The following ZNF618 variants were observed in gnomAD, a reference collection of about 807,000 sequenced individuals.
The protein encoded by ZNF618 is neural precursor cell expressed, developmentally down-regulated 10.
A neutral mutation model predicts 103.0 loss-of-function variants in ZNF618; 34 were observed. The ratio of observed to expected loss-of-function variants is 0.33; its 90% CI spans 0.25 to 0.44. ZNF618 has a LOEUF of 0.44. ZNF618 is among the 20% of genes least tolerant of loss of function. The pLI is 1.00. For synonymous variants in ZNF618, 551 were observed against 542.2 expected, an observed-to-expected ratio of 1.02 and a Z score of -0.23; for missense variants, 1,059 against 1,295.4, an observed-to-expected ratio of 0.82 and a Z score of 2.80.
intron 1 of ZNF618, among the ~76,000 whole-genome samples, chr9:113,943,420 C>T (rs989932827): frequency 2.6e-5 from 4 of 152,160 alleles, no homozygotes; most frequent in African/African-American, 7.2e-5. Context: ...GTGTGATGCA[C>T]TTGGCAGCTC....
chr9:114,034,412 G>A (rs760274517), intron 12 of ZNF618, among the ~76,000 whole-genome samples: 47 of 152,174 alleles, frequency 3.1e-4, no homozygotes, highest in Non-Finnish European at 5.7e-4. Context: ...ATTCACAATC[G>A]GGAACGATAG....
chr9:113,883,982 GCCCCCCCCC>G (rs558766678), intron 1 of ZNF618, among the ~76,000 whole-genome samples: 13 of 29,710 alleles, frequency 4.4e-4, no homozygotes, highest in African/African-American at 1.5e-3. Context: ...TCTGGGCTTG[GCCCCCCCCC>G]CCCCCCCCCC....
At chr9:113,884,772 CACAG>C (rs1828895041) in intron 1 of ZNF618, among the ~76,000 whole-genome samples, 1 of 114,558 alleles carries the variant, frequency 8.7e-6, no homozygotes, top group South Asian at 3.0e-4. Flanking sequence ...GACACAAACA[CACAG>C]AGAGAGAGAG....
chr9:114,028,159 G>C (rs1843682469), intron 10 of ZNF618: 1 of 153,130 alleles, frequency 6.5e-6, no homozygotes, highest in African/African-American at 2.4e-5. Flanking sequence ...TGGTGATGCA[G>C]GGTTCCCCAG....
chr9:113,884,575 A>T (rs1441114361), intron 1 of ZNF618, among the ~76,000 whole-genome samples: 1 of 152,220 alleles, frequency 6.6e-6, no homozygotes, highest in East Asian at 1.9e-4. Flanking sequence ...CCTGTGGCAG[A>T]CATCACTAAT....
chr9:114,035,638 C>T (rs912876951), intron 12 of ZNF618, among the ~76,000 whole-genome samples: 2 of 150,130 alleles, frequency 1.3e-5, no homozygotes, highest in Admixed American at 6.6e-5. Flanking sequence ...CTCTCCTCCT[C>T]CCTCTTCTCT....
At chr9:113,999,106 C>T (rs1231372125) in intron 4 of ZNF618, among the ~76,000 whole-genome samples, 1 of 152,224 alleles carries the variant, frequency 6.6e-6, no homozygotes, top group East Asian at 1.9e-4. Flanking sequence ...AGGGCTGCCC[C>T]TCTAGTGAAC....
In ZNF618 at chr9:114,048,790, C is replaced by A. The variant is rs1262517063; in HGVS notation, c.1488C>A (p.Ala496=). 1.3e-5 allele frequency: 21 copies of A among 1,613,856 alleles called. No individual in the cohort carries two copies. Among genetic ancestry groups the A allele is most frequent in the Non-Finnish European group, 1.8e-5 (21 of 1,179,874 alleles). Reference sequence around the variant, plus strand: ...GCGGGAAGGAGTTCCTGAAGTTGGCCCAGACCTTAGTAGACAGTGGTGCCC... The same window carrying A: ...GCGGGAAGGAGTTCCTGAAGTTGGCACAGACCTTAGTAGACAGTGGTGCCC... The part of the protein sequence containing the change: ...VVSGKEFLKL[A]QTLVDSGARY... Residue 496 remains alanine, a synonymous_variant, in exon 15 of 15, where the codon GCC becomes GCA. Coordinates refer to ENST00000374126, the MANE Select transcript of ZNF618 (RefSeq NM_001318042.2).
At chr9:113,985,436 A>G (rs1839376805) in intron 2 of ZNF618, among the ~76,000 whole-genome samples, 2 of 152,366 alleles carry the variant, frequency 1.3e-5, no homozygotes, top group South Asian at 4.1e-4. Flanking sequence ...TGGACCTGCC[A>G]GTTCTAGTTA....
intron 1 of ZNF618, among the ~76,000 whole-genome samples, chr9:113,903,042 G>T (rs186170631): frequency 6.6e-6 from 1 of 152,196 alleles, no homozygotes; most frequent in Non-Finnish European, 1.5e-5. Context: ...TTTGAAAGAA[G>T]CAAAAGGAAT....
chr9:113,903,384 G>A (rs1830714333), intron 1 of ZNF618, among the ~76,000 whole-genome samples: 1 of 152,064 alleles, frequency 6.6e-6, no homozygotes, highest in Non-Finnish European at 1.5e-5. Flanking sequence ...ATACAACTGG[G>A]AGCCATTCAT....
chr9:113,992,887 G>A (rs1840209069), intron 3 of ZNF618, among the ~76,000 whole-genome samples: 3 of 152,208 alleles, frequency 2.0e-5, no homozygotes. Flanking sequence ...GGTTGCTGCT[G>A]CTTCCCTGCT....
At chr9:114,016,851 C>T in intron 10 of ZNF618, 67 bp downstream of exon 10, 1 of 1,312,890 alleles carries the variant, frequency 7.6e-7, no homozygotes. Context: ...AGCCGTTGGC[C>T]AGGCCTCTGG....
Position 114,048,014 on chromosome 9 carries a change from G to C in ZNF618, c.1348+20G>C. 2 of 1,558,442 alleles carry C rather than the reference G, an allele frequency of 1.3e-6. No individual in the cohort carries two copies. Among genetic ancestry groups the C allele is most frequent in the Non-Finnish European group, 1.7e-6 (2 of 1,150,118 alleles). On this transcript the variant is annotated intron_variant, in intron 14 of 14. Transcript: ENST00000374126. ...ATAACAGTAGGTCTCCCCAAGCAGG[G>C]CTGGACCTGAGGGTCCCCTTATGCT...
At chr9:114,007,206 G>C (rs749036145) in intron 6 of ZNF618, 144 bp from the exon 7 acceptor site, 11 of 681,626 alleles carry the variant, frequency 1.6e-5, no homozygotes, top group Non-Finnish European at 2.5e-5. Context: ...GTTTCCTCAT[G>C]TGTAAAATGA....
At chr9:113,882,240 G>A (rs1183076521) in intron 1 of ZNF618, among the ~76,000 whole-genome samples, 1 of 152,224 alleles carries the variant, frequency 6.6e-6, no homozygotes, top group Non-Finnish European at 1.5e-5. Context: ...CTGGGTTTGA[G>A]GTCTGCCAGA....
In ZNF618 at chr9:114,049,638, G is replaced by A; in HGVS notation, c.2336G>A (p.Gly779Asp). 1 of 1,613,838 alleles carries A rather than the reference G, an allele frequency of 6.2e-7. No individual in the cohort carries two copies. Among genetic ancestry groups the A allele is most frequent in the Non-Finnish European group, 8.5e-7 (1 of 1,179,904 alleles). The change falls in exon 15 of 15, where the codon GGC becomes GAC. Residue 779 changes from glycine to aspartate, a missense_variant. Gly to Asp is a moderately conservative substitution (Grantham distance 94). Around this residue, in one of 6 missense-constraint regions of ZNF618, gnomAD observed 272 missense variants for 380.1 expected, o/e 0.72. Transcript: ENST00000374126. Reference protein sequence around the residue: ...KLFTAKANDAGTVSKLCHLFL... With the variant: ...KLFTAKANDADTVSKLCHLFL... Reference sequence around the variant, plus strand: ...TTCACGGCCAAGGCCAACGACGCAGGCACTGTCAGCAAGCTCTGCCACCTC... The same window carrying A: ...TTCACGGCCAAGGCCAACGACGCAGACACTGTCAGCAAGCTCTGCCACCTC...
Position 113,940,250 on chromosome 9 carries a change from A to G in ZNF618, c.34-28867A>G, listed in dbSNP as rs111667776. 6.5e-3 allele frequency among the ~76,000 whole-genome samples: 985 copies of G among 152,192 alleles called. 10 individuals are homozygous for G. Among genetic ancestry groups the G allele is most frequent in the African/African-American group, 0.023 (943 of 41,544 alleles). On this transcript the variant is annotated intron_variant, in intron 1 of 14. Coordinates refer to ENST00000374126, the MANE Select transcript of ZNF618 (RefSeq NM_001318042.2). ...TGGCCTGTATAATTTCTTATTTTAAAAAGGTTATTGAGGTTTTTTTTGTGG... is the reference window on the plus strand; with the variant it reads ...TGGCCTGTATAATTTCTTATTTTAAGAAGGTTATTGAGGTTTTTTTTGTGG...
chr9:113,995,023 C>A (rs1381727444), intron 3 of ZNF618, among the ~76,000 whole-genome samples: 1 of 152,004 alleles, frequency 6.6e-6, no homozygotes, highest in East Asian at 1.9e-4. Flanking sequence ...TATTTGATAT[C>A]CACCATCATC....
Sources: gnomAD v4.1 joint callset for allele counts (sites outside exome capture counted in the v4.1 genomes callset) on GRCh38, gnomAD v4.1.1 for gene constraint, gnomAD v4.1.1 regional missense constraint, MANE v1.5 for transcripts, NCBI Gene and HGNC (gene_info 2026-07-23, HGNC 2026-07-21) for gene names.